GCSAML: variants seen among roughly 807,000 people sequenced by gnomAD.
GCSAML encodes the protein germinal center associated signaling and motility like.
GCSAML carries 9 observed loss-of-function variants against 13.0 expected under a neutral mutation model. That is an observed-to-expected ratio of 0.69 (90% CI 0.42 to 1.21). The LOEUF (loss-of-function observed/expected upper bound fraction) is 1.21, where lower values mean the gene tolerates loss of function less well. GCSAML is among the 50% of genes most tolerant of loss of function. The pLI is 0.00. For missense variants in GCSAML, 143 were observed against 153.4 expected, an observed-to-expected ratio of 0.93 and a Z score of 0.36; for synonymous variants, 37 against 52.9, an observed-to-expected ratio of 0.70 and a Z score of 1.31.
At chr1:247,556,633 C>G (rs1416030415) in intron 2 of GCSAML, among the ~76,000 whole-genome samples, 167 bp downstream of exon 2, 2 of 152,124 alleles carry the variant, frequency 1.3e-5, no homozygotes, top group African/African-American at 2.4e-5. Context: ...GACATTGACT[C>G]TGTCTAAATA....
chr1:247,532,530 C>A, intron 2 of GCSAML: 2 of 1,605,966 alleles, frequency 1.2e-6, no homozygotes. Flanking sequence ...GGGGGTGGGG[C>A]AAAAGGCCAC....
At chr1:247,509,367 A>T (rs1414255797) in intron 1 of GCSAML, among the ~76,000 whole-genome samples, 1 of 152,118 alleles carries the variant, frequency 6.6e-6, no homozygotes, top group East Asian at 1.9e-4. Flanking sequence ...ATATCCTGAG[A>T]CTTTGCTAAG....
chr1:247,526,998 G>A lies in GCSAML; in HGVS notation c.-204G>A, dbSNP rs981002578. ...TTCCAATAGTTCTACTGGATGTGGA[G>A]CCAGAAATTGTGTGGAATGCCTGGT... On this transcript the variant is annotated 5_prime_UTR_variant, in exon 2 of 6. Transcript: ENST00000366489. This position sits in a 1 kb window ranked among gnomAD's most constrained non-coding sequence, Gnocchi z 4.8. The A allele has an allele frequency of 4.4e-6, 2 of 456,752 alleles. No homozygotes were observed. Among genetic ancestry groups the A allele is most frequent in the Non-Finnish European group, 8.8e-6 (2 of 226,968 alleles). 28.3% of individuals were successfully genotyped at this position (456,752 alleles called of 1,614,324 possible).
At chr1:247,534,896 C>T (rs978238447) in intron 2 of GCSAML, among the ~76,000 whole-genome samples, 2 of 152,178 alleles carry the variant, frequency 1.3e-5, no homozygotes, top group Non-Finnish European at 2.9e-5. Context: ...TGGAAGCTGT[C>T]CCATTGTGGA....
intron 1 of GCSAML, among the ~76,000 whole-genome samples, chr1:247,551,755 A>G (rs1667784894): frequency 6.6e-6 from 1 of 152,226 alleles, no homozygotes; most frequent in Non-Finnish European, 1.5e-5. Context: ...GAAACTGTCC[A>G]TTTCTATGCT....
At chr1:247,532,433 C>T in intron 2 of GCSAML, 5 of 1,614,052 alleles carry the variant, frequency 3.1e-6, no homozygotes, top group Non-Finnish European at 4.2e-6. Flanking sequence ...ATGAAGAGGA[C>T]AGTTTCTAGT....
At chr1:247,549,076 G>A (rs779377599), upstream of GCSAML, 35 of 1,607,112 alleles carry the variant, frequency 2.2e-5, 1 homozygote, top group Admixed American at 1.3e-4. Flanking sequence ...GCAAGAGCAC[G>A]AACCCGTGGT....
intron 4 of GCSAML, among the ~76,000 whole-genome samples, chr1:247,568,517 C>T (rs535655019): frequency 1.3e-5 from 2 of 152,178 alleles, no homozygotes; most frequent in South Asian, 4.1e-4. Flanking sequence ...GGCCTCTGTT[C>T]TGTTCCATTG....
intron 4 of GCSAML, among the ~76,000 whole-genome samples, chr1:247,572,006 T>C (rs1396728602): frequency 6.6e-6 from 1 of 152,222 alleles, no homozygotes; most frequent in African/African-American, 2.4e-5. Context: ...CTATTGATAC[T>C]TGTGTATGCT....
chr1:247,528,131 A>G lies in GCSAML; in HGVS notation c.-148+1077A>G, dbSNP rs146141617. 10 of 152,144 alleles carry G rather than the reference A, an allele frequency of 6.6e-5. No homozygotes were observed. The East Asian group carries it at 1.7e-3, about 26-fold the overall frequency. The allele number at this position is 152,144 out of a possible 1,614,324, so 9.4% of individuals were successfully genotyped here. The stretch of plus-strand genomic sequence containing the variant: ...TTTCCTACCTTCCTGACTCATAATA[A>G]TGTTATCATGTGTCTCTGACTCCTA... On this transcript the variant is annotated intron_variant, in intron 2 of 5. Coordinates refer to the GCSAML transcript ENST00000366489.
intron 1 of GCSAML, among the ~76,000 whole-genome samples, chr1:247,515,391 T>C (rs1026999469): frequency 6.6e-6 from 1 of 152,226 alleles, no homozygotes; most frequent in African/African-American, 2.4e-5. Context: ...TATTTAGAAA[T>C]ACAGTTTAAA....
chr1:247,525,759 A>G (rs1464022033), intron 1 of GCSAML: 2 of 152,154 alleles, frequency 1.3e-5, no homozygotes, highest in Non-Finnish European at 2.9e-5. Context: ...TCTTCCCTCC[A>G]TGGAGGTTGG....
At chr1:247,547,424 T>C (rs1667620320), upstream of GCSAML, among the ~76,000 whole-genome samples, 1 of 152,216 alleles carries the variant, frequency 6.6e-6, no homozygotes, top group South Asian at 2.1e-4. Context: ...TTAGAGGTGC[T>C]GAAAAGATGG....
At chr1:247,558,014 G>A (rs1183638000) in intron 2 of GCSAML, among the ~76,000 whole-genome samples, 1 of 152,210 alleles carries the variant, frequency 6.6e-6, no homozygotes, top group Admixed American at 6.5e-5. Flanking sequence ...AGGAACTGAA[G>A]TGTTAACATT....
At chr1:247,556,374 A>G in intron 1 of GCSAML, 33 bp from the exon 2 acceptor site, 1 of 1,521,084 alleles carries the variant, frequency 6.6e-7, no homozygotes, top group Non-Finnish European at 9.1e-7. Flanking sequence ...GGGCAGTAAC[A>G]ATCTCTCTTT....
chr1:247,563,255 A>G (rs1480667717), intron 2 of GCSAML, among the ~76,000 whole-genome samples: 1 of 152,208 alleles, frequency 6.6e-6, no homozygotes, highest in South Asian at 2.1e-4. Context: ...GCAGAAAAAT[A>G]AATTTCAAAA....
At chr1:247,548,379 G>A (rs935493204), upstream of GCSAML, among the ~76,000 whole-genome samples, 1 of 152,204 alleles carries the variant, frequency 6.6e-6, no homozygotes, top group African/African-American at 2.4e-5. The surrounding 1 kb of genome is among the most constrained non-coding windows in gnomAD (Gnocchi z 5.3). Context: ...CTGGCAACAG[G>A]TCTTCCAGGC....
intron 4 of GCSAML, among the ~76,000 whole-genome samples, chr1:247,571,876 A>G (rs1333579358): frequency 6.6e-6 from 1 of 151,682 alleles, no homozygotes; most frequent in African/African-American, 2.4e-5. Flanking sequence ...ATAGTCCCAT[A>G]TTTCTTGGAG....
upstream of GCSAML, among the ~76,000 whole-genome samples, chr1:247,545,359 A>C (rs1041554919): frequency 2.0e-5 from 3 of 152,194 alleles, no homozygotes; most frequent in African/African-American, 7.2e-5. Flanking sequence ...TATATAGGCA[A>C]ATTTGCCAGC....
Sources: allele counts gnomAD v4.1 joint callset (sites outside exome capture counted in the v4.1 genomes callset), GRCh38; gene constraint gnomAD v4.1.1; non-coding constraint Gnocchi (gnomAD v3.1); transcripts MANE v1.5; gene names NCBI Gene and HGNC (gene_info 2026-07-23, HGNC 2026-07-21).